GSDME: variants seen among roughly 807,000 people sequenced by gnomAD.
GSDME encodes the protein gasdermin-E.
GSDME carries 44 observed loss-of-function variants against 47.5 expected under a neutral mutation model. The ratio of observed to expected loss-of-function variants is 0.93; its 90% confidence interval spans 0.73 to 1.19. The LOEUF is 1.19. Among genes scored for constraint, GSDME ranks in the 50% most tolerant of loss-of-function variants. The pLI, the probability that GSDME is intolerant of heterozygous loss-of-function variation, is 0.00. For synonymous variants in GSDME, 258 were observed against 252.8 expected (o/e 1.02, Z -0.20); for missense variants, 663 against 604.2 (o/e 1.10, Z -1.02).
chr7:24,758,099 C>G (rs962284030), upstream of GSDME: 1 of 152,274 alleles, frequency 6.6e-6, no homozygotes, highest in Non-Finnish European at 1.5e-5. This position sits in a 1 kb window ranked among gnomAD's most constrained non-coding sequence, Gnocchi z 4.6. Context: ...AGCTGGTGCT[C>G]AAACATTGCT....
At chr7:24,788,136 C>T in the GSDME span, among the ~76,000 whole-genome samples, 189 of 152,346 alleles carry the variant, frequency 1.2e-3, 1 homozygote, top group Non-Finnish European at 1.5e-3. This position sits in a 1 kb window ranked among gnomAD's most constrained non-coding sequence, Gnocchi z 4.6. Context: ...CGTCCAAACA[C>T]TCAGACATGA....
In GSDME at chr7:24,712,546, G is replaced by A. The variant is rs1012543485; in HGVS notation, c.698-2158C>T. Among the ~76,000 whole-genome samples, 3 of 152,248 alleles carry A rather than the reference G, an allele frequency of 2.0e-5. No individual in the cohort carries two copies. Among genetic ancestry groups the A allele is most frequent in the African/African-American group, 2.4e-5 (1 of 41,528 alleles). On this transcript the variant is annotated intron_variant, in intron 5 of 9. Transcript: ENST00000645220. The surrounding 1 kb of genome is among the most constrained non-coding windows in gnomAD (Gnocchi z 4.4). ...TTTAAAATTCCCTATACCAGGCCCC[G>A]TGCTCACAGCCACAGATACAAAGGA...
At chr7:24,773,686 T>C in the GSDME span, among the ~76,000 whole-genome samples, 6 of 152,346 alleles carry the variant, frequency 3.9e-5, no homozygotes, top group South Asian at 6.2e-4. This position sits in a 1 kb window ranked among gnomAD's most constrained non-coding sequence, Gnocchi z 5.4. Flanking sequence ...AGTGATGGCA[T>C]GGCCTCTTAG....
rs1412851645 is a variant in GSDME at position 24,728,725 on chromosome 7, A to G, written c.405-9507T>C. Among the ~76,000 whole-genome samples, 1 of 152,202 alleles carries G rather than the reference A, an allele frequency of 6.6e-6. No individual in the cohort carries two copies. The highest frequency in any genetic ancestry group is 1.9e-4 in the East Asian group (1 of 5,192). On this transcript the variant is annotated intron_variant, in intron 3 of 9. Transcript: ENST00000645220. The surrounding 1 kb of genome is among the most constrained non-coding windows in gnomAD (Gnocchi z 7.2). ...GCCCACTGTCTCCCCCGCAGGTACTAGCAGTCCCCATTTCAACCACGTTTC... is the reference window on the plus strand; with the variant it reads ...GCCCACTGTCTCCCCCGCAGGTACTGGCAGTCCCCATTTCAACCACGTTTC...
At chr7:24,751,214 C>T (rs1035496235) in intron 1 of GSDME, among the ~76,000 whole-genome samples, 10 of 152,056 alleles carry the variant, frequency 6.6e-5, no homozygotes, top group Non-Finnish European at 1.3e-4. Context: ...GGTTCTAAAC[C>T]ATTCACAATA....
At chr7:24,765,272 A>G in the GSDME span, among the ~76,000 whole-genome samples, 19,989 of 152,224 alleles carry the variant, frequency 0.13, 1,405 homozygotes, top group Middle Eastern at 0.2. Context: ...GTCGATACGG[A>G]TCCTTTCTTG....
At chr7:24,750,056 T>G (rs930407189) in intron 1 of GSDME, among the ~76,000 whole-genome samples, 7 of 152,220 alleles carry the variant, frequency 4.6e-5, no homozygotes, top group Non-Finnish European at 1.0e-4. Context: ...CAATAAGGGT[T>G]TATTTGTTGC....
the GSDME span, among the ~76,000 whole-genome samples, chr7:24,766,283 CACA>C: frequency 1.4e-5 from 2 of 148,078 alleles, no homozygotes. The surrounding 1 kb of genome is among the most constrained non-coding windows in gnomAD (Gnocchi z 4.2). Flanking sequence ...CCAGACCCTG[CACA>C]ACACTTTATT....
At chr7:24,771,286 G>A in the GSDME span, among the ~76,000 whole-genome samples, 1 of 152,240 alleles carries the variant, frequency 6.6e-6, no homozygotes, top group Non-Finnish European at 1.5e-5. This position sits in a 1 kb window ranked among gnomAD's most constrained non-coding sequence, Gnocchi z 4.1. Flanking sequence ...AGACCTTTCA[G>A]TCAGATTATT....
chr7:24,784,634 T>C, the GSDME span, among the ~76,000 whole-genome samples: 1 of 149,598 alleles, frequency 6.7e-6, no homozygotes, highest in Non-Finnish European at 1.5e-5. Flanking sequence ...TCCTTTTTTT[T>C]TTTTTTTTTT....
intron 5 of GSDME, chr7:24,715,584 A>G: frequency 4.4e-6 from 2 of 450,838 alleles, no homozygotes; most frequent in Non-Finnish European, 9.2e-6. Context: ...CTAGAAACCC[A>G]AAAGTGCAGA....
the GSDME span, among the ~76,000 whole-genome samples, chr7:24,775,016 T>C: frequency 6.6e-6 from 1 of 152,196 alleles, no homozygotes; most frequent in Non-Finnish European, 1.5e-5. Context: ...CCTGGGATTT[T>C]GCCATCTCTG....
chr7:24,763,465 C>T, the GSDME span, among the ~76,000 whole-genome samples: 2 of 151,724 alleles, frequency 1.3e-5, no homozygotes, highest in African/African-American at 4.8e-5. This position sits in a 1 kb window ranked among gnomAD's most constrained non-coding sequence, Gnocchi z 4.3. Context: ...TAGATGGCCA[C>T]AAAGTGACCA....
In GSDME at chr7:24,736,674, T is replaced by C. The variant is rs1790316335; in HGVS notation, c.404+7888A>G. ...ACAGACCAAACAGACCCAATAGATA[T>C]ATACAGAACATTTCATCCAACAACT... On this transcript the variant is annotated intron_variant, in intron 3 of 9. Transcript: ENST00000645220. This position sits in a 1 kb window ranked among gnomAD's most constrained non-coding sequence, Gnocchi z 4.6. Among the ~76,000 whole-genome samples, 1 of 152,178 alleles carries C rather than the reference T, an allele frequency of 6.6e-6. No homozygotes were observed. The highest frequency in any genetic ancestry group is 1.5e-5 in the Non-Finnish European group (1 of 68,008).
In GSDME at chr7:24,702,823, A is replaced by G. The variant is rs1369165121; in HGVS notation, c.1194T>C (p.Asp398=). The G allele has an allele frequency of 3.7e-6, 6 of 1,613,028 alleles. No individual in the cohort carries two copies. The highest frequency in any genetic ancestry group is 5.1e-6 in the Non-Finnish European group (6 of 1,179,434). The change falls in exon 9 of 10, where the codon GAT becomes GAC. Residue 398 remains aspartate, a synonymous_variant. Transcript: ENST00000645220. Reference sequence around the variant, plus strand: ...AAGTGCCCAGCAGAGCTGCTGCGCTATCTGGCATTTCTGCAGGAGAGAAAA... The same window carrying G: ...AAGTGCCCAGCAGAGCTGCTGCGCTGTCTGGCATTTCTGCAGGAGAGAAAA... ...FLVSALAEMP[D]SAAALLGTCC...
chr7:24,707,680 G>A lies in GSDME; in HGVS notation c.990+447C>T. 3 of 313,164 alleles carry A rather than the reference G, an allele frequency of 9.6e-6. 1 individual carries two copies. The highest frequency in any genetic ancestry group is 1.6e-5 in the Non-Finnish European group (3 of 183,846). 19.4% of individuals were successfully genotyped at this position (313,164 alleles called of 1,614,324 possible). On this transcript the variant is annotated intron_variant, in intron 7 of 9. Coordinates refer to ENST00000645220, the MANE Select transcript of GSDME (RefSeq NM_001127453.2). ...TGTCTTTATAACAGACAGTAAAGGAGAAGACACACACACACACACAGAGGG... is the reference window on the plus strand; with the variant it reads ...TGTCTTTATAACAGACAGTAAAGGAAAAGACACACACACACACACAGAGGG...
At chr7:24,731,542 T>C (rs1222487844) in intron 3 of GSDME, among the ~76,000 whole-genome samples, 4 of 152,230 alleles carry the variant, frequency 2.6e-5, no homozygotes, top group African/African-American at 9.6e-5. Flanking sequence ...GCTCTGTGGC[T>C]CCCTGTCTGG....
intron 9 of GSDME, 36 bp from the exon 10 acceptor site, chr7:24,699,295 A>G (rs1326934917): frequency 1.3e-6 from 2 of 1,510,398 alleles, no homozygotes; most frequent in African/African-American, 1.4e-5. Context: ...CACTTTTAAA[A>G]TGTCCTAAAA....
At position 24,716,800 on chromosome 7, in the gene GSDME, G is replaced by T; in HGVS notation, c.697+454C>A. On this transcript the variant is annotated intron_variant, in intron 5 of 9. Coordinates refer to ENST00000645220, the MANE Select transcript of GSDME (RefSeq NM_001127453.2). This position sits in a 1 kb window ranked among gnomAD's most constrained non-coding sequence, Gnocchi z 4.5. ...TGACCACTGTGCCAGGCGCTTCATAGGCCTCATCTCATTAAATCTTCACAC... is the reference window on the plus strand; with the variant it reads ...TGACCACTGTGCCAGGCGCTTCATATGCCTCATCTCATTAAATCTTCACAC... The T allele has an allele frequency of 4.3e-6, 1 of 234,158 alleles. No individual in the cohort carries two copies. The highest frequency in any genetic ancestry group is 8.5e-6 in the Non-Finnish European group (1 of 116,960). 14.5% of individuals were successfully genotyped at this position (234,158 alleles called of 1,614,324 possible).
Sources: gnomAD v4.1 joint callset for allele counts (sites outside exome capture counted in the v4.1 genomes callset) on GRCh38, gnomAD v4.1.1 for gene constraint, Gnocchi (gnomAD v3.1) non-coding constraint, MANE v1.5 for transcripts, NCBI Gene and HGNC (gene_info 2026-07-23, HGNC 2026-07-21) for gene names.